The following TTC39A variants were observed in gnomAD, a reference collection of about 807,000 sequenced individuals.
TTC39A encodes tetratricopeptide repeat protein 39A.
TTC39A carries 46 observed loss-of-function variants against 82.3 expected under a neutral mutation model. That is an observed-to-expected ratio of 0.56 (90% CI 0.44 to 0.71). The LOEUF is 0.71. Among genes scored for constraint, TTC39A ranks in the 30% least tolerant of loss-of-function variants. The pLI, the probability that TTC39A is intolerant of heterozygous loss-of-function variation, is 0.00. For missense variants in TTC39A, 543 were observed against 712.9 expected (o/e 0.76, Z 2.71); for synonymous variants, 254 against 275.2 (o/e 0.92, Z 0.76).
At chr1:51,331,279 G>C (rs548611242), upstream of TTC39A, 21 of 1,540,142 alleles carry the variant, frequency 1.4e-5, no homozygotes, top group Non-Finnish European at 1.8e-5. Context: ...CACCCACAAC[G>C]CTCCCCAAAT....
At chr1:51,313,637 A>C (rs1315071854) in intron 2 of TTC39A, among the ~76,000 whole-genome samples, 1 of 151,646 alleles carries the variant, frequency 6.6e-6, no homozygotes, top group East Asian at 1.9e-4. Context: ...AACCACACAA[A>C]CCTTCCATGA....
At chr1:51,325,032 A>T (rs1645661529) in intron 1 of TTC39A, among the ~76,000 whole-genome samples, 1 of 151,134 alleles carries the variant, frequency 6.6e-6, no homozygotes, top group Non-Finnish European at 1.5e-5. Context: ...AGGCGGGCGG[A>T]TCACCTGAGG....
upstream of TTC39A, chr1:51,331,934 G>A (rs1361787580): frequency 4.0e-6 from 2 of 498,440 alleles, no homozygotes; most frequent in Admixed American, 6.4e-5. Flanking sequence ...GGAGCAGCAT[G>A]GATGAAGGCA....
intron 6 of TTC39A, among the ~76,000 whole-genome samples, chr1:51,307,521 G>A (rs1569869694): frequency 6.6e-6 from 1 of 152,072 alleles, no homozygotes; most frequent in East Asian, 1.9e-4. Flanking sequence ...ATCACCTGAG[G>A]TCAGGAGTTC....
At chr1:51,293,229 G>A (rs184727508) in intron 14 of TTC39A, among the ~76,000 whole-genome samples, 12 of 152,148 alleles carry the variant, frequency 7.9e-5, no homozygotes, top group Admixed American at 2.0e-4. Context: ...CACCACGCCC[G>A]GCTAATTTTG....
upstream of TTC39A, chr1:51,330,576 C>T (rs1645879211): frequency 1.0e-6 from 1 of 982,484 alleles, no homozygotes; most frequent in Non-Finnish European, 1.2e-6. The surrounding 1 kb of genome is among the most constrained non-coding windows in gnomAD (Gnocchi z 4.5). Flanking sequence ...GTCGCGGACG[C>T]GGCGGCCGGG....
At chr1:51,328,761 C>A (rs913052437) in intron 1 of TTC39A, among the ~76,000 whole-genome samples, 1 of 152,108 alleles carries the variant, frequency 6.6e-6, no homozygotes, top group African/African-American at 2.4e-5. Flanking sequence ...TTACTATTTG[C>A]TATATTTTTC....
intron 1 of TTC39A, among the ~76,000 whole-genome samples, chr1:51,326,651 G>A (rs1256449443): frequency 2.0e-5 from 3 of 152,224 alleles, no homozygotes; most frequent in Admixed American, 6.5e-5. Flanking sequence ...GACAGGCAGT[G>A]AAGACAGGAA....
intron 4 of TTC39A, 98 bp downstream of exon 4, chr1:51,312,021 C>T: frequency 7.7e-7 from 1 of 1,291,936 alleles, no homozygotes; most frequent in Non-Finnish European, 1.1e-6. Flanking sequence ...CAGGGCCTGG[C>T]CCCCTAGGCG....
intron 1 of TTC39A, among the ~76,000 whole-genome samples, chr1:51,327,310 C>A (rs1275840012): frequency 6.6e-6 from 1 of 152,218 alleles, no homozygotes. Flanking sequence ...GGAACTTTGG[C>A]TCAACGAGTA....
intron 16 of TTC39A, among the ~76,000 whole-genome samples, chr1:51,289,424 A>C (rs1472396050): frequency 6.6e-6 from 1 of 152,048 alleles, no homozygotes; most frequent in Non-Finnish European, 1.5e-5. Flanking sequence ...GACTTCACCC[A>C]GGCAGGTAAA....
intron 1 of TTC39A, among the ~76,000 whole-genome samples, chr1:51,341,585 C>T (rs865799863): frequency 6.6e-6 from 1 of 152,094 alleles, no homozygotes; most frequent in African/African-American, 2.4e-5. Flanking sequence ...AAGTTCTTGT[C>T]ACCAGGGATT....
chr1:51,311,050 A>G (rs759203627), intron 5 of TTC39A, among the ~76,000 whole-genome samples: 4 of 152,236 alleles, frequency 2.6e-5, no homozygotes, highest in East Asian at 1.9e-4. Context: ...GTGTGTACTC[A>G]GGATGTGAGG....
intron 1 of TTC39A, among the ~76,000 whole-genome samples, chr1:51,340,699 G>A (rs962141940): frequency 1.3e-5 from 2 of 152,160 alleles, no homozygotes; most frequent in Non-Finnish European, 2.9e-5. Flanking sequence ...CATCACTCGC[G>A]CTGGTATAGC....
chr1:51,316,465 A>G (rs766939051), intron 2 of TTC39A, among the ~76,000 whole-genome samples: 44 of 151,904 alleles, frequency 2.9e-4, no homozygotes, highest in Non-Finnish European at 6.0e-4. Flanking sequence ...AACATACTCA[A>G]TGCCAAGCCT....
chr1:51,328,060 T>G (rs1645778198), intron 1 of TTC39A, among the ~76,000 whole-genome samples: 1 of 152,104 alleles, frequency 6.6e-6, no homozygotes, highest in African/African-American at 2.4e-5. Context: ...TTTAAAAGAT[T>G]GAGTGGGCCA....
chr1:51,324,849 G>C (rs543847721), intron 1 of TTC39A, among the ~76,000 whole-genome samples: 137 of 152,170 alleles, frequency 9.0e-4, no homozygotes, highest in Non-Finnish European at 1.7e-3. Context: ...GTACTTTAAA[G>C]GATGTTTGTT....
upstream of TTC39A, among the ~76,000 whole-genome samples, chr1:51,332,408 G>A (rs1645925004): frequency 6.6e-6 from 1 of 152,168 alleles, no homozygotes; most frequent in African/African-American, 2.4e-5. Flanking sequence ...TTACAGGCAT[G>A]TGCCACCATG....
intron 2 of TTC39A, among the ~76,000 whole-genome samples, chr1:51,316,418 G>A (rs979610989): frequency 1.3e-5 from 2 of 152,122 alleles, no homozygotes; most frequent in Non-Finnish European, 2.9e-5. Flanking sequence ...CTTCCTGACT[G>A]CTTAGCCTAG....
Sources: gnomAD v4.1 joint callset for allele counts (sites outside exome capture counted in the v4.1 genomes callset) on GRCh38, gnomAD v4.1.1 for gene constraint, Gnocchi (gnomAD v3.1) non-coding constraint, MANE v1.5 for transcripts, NCBI Gene and HGNC (gene_info 2026-07-23, HGNC 2026-07-21) for gene names.